Variants in PLAC1 observed in about 807,000 individuals in gnomAD.
The protein encoded by PLAC1 is placenta associated 1.
For missense variants in PLAC1, 136 were observed against 163.2 expected, an observed-to-expected ratio of 0.83 and a Z score of 0.91; for synonymous variants, 68 against 62.1, an observed-to-expected ratio of 1.09 and a Z score of -0.44.
In PLAC1 at chrX:134,565,921, C is replaced by T; in HGVS notation, c.*123G>A. On this transcript the variant is annotated 3_prime_UTR_variant, in exon 3 of 3. Transcript: ENST00000359237. ...GAAAAAGGCTTAATTCATGAAGTTG[C>T]TATAGGTTTCTCTTTCTCAAAAGTG... 4.0e-6 allele frequency: 2 copies of T among 498,830 alleles called. No homozygotes were observed. Among genetic ancestry groups the T allele is most frequent in the African/African-American group, 2.3e-5 (1 of 42,978 alleles). The allele number at this position is 498,830 out of a possible 1,213,427, so 41.1% of individuals were successfully genotyped here.
At chrX:134,585,203 G>A (rs868520907) in intron 2 of PLAC1, among the ~76,000 whole-genome samples, 31 of 89,478 alleles carry the variant, frequency 3.5e-4, no homozygotes, top group African/African-American at 1.1e-3. Context: ...AAAAAAAGCC[G>A]GGCATGGTGG....
chrX:134,697,278 T>C (rs2078567831), intron 2 of PLAC1, among the ~76,000 whole-genome samples: 1 of 110,539 alleles, frequency 9.0e-6, no homozygotes, highest in Non-Finnish European at 1.9e-5. Context: ...TTGGAAGTCA[T>C]AGGTAACTGA....
intron 1 of PLAC1, among the ~76,000 whole-genome samples, chrX:134,635,650 C>T (rs900117903): frequency 3.6e-5 from 4 of 111,518 alleles, no homozygotes; most frequent in African/African-American, 9.8e-5. Flanking sequence ...AAGTTTCTCT[C>T]CAAACTTCAC....
intron 1 of PLAC1, among the ~76,000 whole-genome samples, chrX:134,613,110 G>A (rs755213626): frequency 9.0e-6 from 1 of 110,773 alleles, no homozygotes; most frequent in Admixed American, 9.7e-5. Context: ...ACTTGAGCCT[G>A]GGAGTTCCAG....
chrX:134,596,104 A>G (rs1403869338), intron 2 of PLAC1, among the ~76,000 whole-genome samples: 4 of 111,564 alleles, frequency 3.6e-5, no homozygotes, highest in African/African-American at 1.3e-4. Flanking sequence ...TGAGTGAAGT[A>G]TAAAAACCTT....
intron 1 of PLAC1, among the ~76,000 whole-genome samples, chrX:134,748,731 G>A (rs1249146771): frequency 1.8e-5 from 2 of 111,544 alleles, no homozygotes; most frequent in African/African-American, 6.5e-5. Flanking sequence ...TGGGGGGAAC[G>A]TCTTGATATT....
At chrX:134,584,934 C>T (rs181426233) in intron 2 of PLAC1, among the ~76,000 whole-genome samples, 1 of 111,085 alleles carries the variant, frequency 9.0e-6, no homozygotes, top group African/African-American at 3.3e-5. Context: ...GCAACTGACA[C>T]ATAAACACAG....
intron 1 of PLAC1, among the ~76,000 whole-genome samples, chrX:134,652,740 T>C (rs1431551371): frequency 2.9e-5 from 3 of 105,058 alleles, no homozygotes; most frequent in African/African-American, 1.1e-4. Context: ...ATTAAATAAA[T>C]GATATATCCA....
chrX:134,708,275 C>T (rs1016664314), intron 2 of PLAC1, among the ~76,000 whole-genome samples: 2 of 111,624 alleles, frequency 1.8e-5, no homozygotes, highest in African/African-American at 3.3e-5. Flanking sequence ...TAACAGAATT[C>T]GTCACTAGCA....
At chrX:134,707,057 G>C (rs1217367842) in intron 2 of PLAC1, among the ~76,000 whole-genome samples, 1 of 111,889 alleles carries the variant, frequency 8.9e-6, no homozygotes, top group Non-Finnish European at 1.9e-5. Context: ...AAACCTACAG[G>C]TTCAAAAAGC....
intron 2 of PLAC1, among the ~76,000 whole-genome samples, chrX:134,698,814 C>A (rs1364722265): frequency 9.0e-6 from 1 of 111,402 alleles, no homozygotes; most frequent in African/African-American, 3.3e-5. Context: ...GCTTGGATAG[C>A]TGCTACAGAA....
At chrX:134,571,073 T>C (rs2077905677) in intron 2 of PLAC1, among the ~76,000 whole-genome samples, 1 of 111,899 alleles carries the variant, frequency 8.9e-6, no homozygotes. Context: ...TGAGATCTCG[T>C]AGTACTTGTG....
intron 2 of PLAC1, among the ~76,000 whole-genome samples, chrX:134,698,119 A>G (rs1280462153): frequency 1.8e-5 from 2 of 111,376 alleles, no homozygotes; most frequent in Admixed American, 9.6e-5. Context: ...TGATTTAACT[A>G]TCTCTCTATA....
At chrX:134,645,119 C>T (rs1023772653) in intron 1 of PLAC1, among the ~76,000 whole-genome samples, 1 of 111,793 alleles carries the variant, frequency 8.9e-6, no homozygotes, top group African/African-American at 3.3e-5. Context: ...TTAGCAATAC[C>T]AGTATTCTCA....
At chrX:134,630,565 G>C (rs2078256395) in intron 1 of PLAC1, among the ~76,000 whole-genome samples, 1 of 111,619 alleles carries the variant, frequency 9.0e-6, no homozygotes, top group South Asian at 3.8e-4. Flanking sequence ...CTTGCCTATG[G>C]GGTCTGTCAC....
chrX:134,615,485 C>T (rs1441681174), intron 1 of PLAC1, among the ~76,000 whole-genome samples: 2 of 111,479 alleles, frequency 1.8e-5, no homozygotes, highest in East Asian at 5.6e-4. Context: ...GGATATTAGC[C>T]CCTTATTAGA....
intron 1 of PLAC1, among the ~76,000 whole-genome samples, chrX:134,655,437 A>G (rs2078386253): frequency 9.0e-6 from 1 of 111,579 alleles, no homozygotes; most frequent in Non-Finnish European, 1.9e-5. Context: ...AAAGAATAAG[A>G]AGATTCTCCC....
intron 2 of PLAC1, among the ~76,000 whole-genome samples, chrX:134,581,476 C>CTTTTTTT (rs35457928): frequency 3.6e-4 from 21 of 58,916 alleles, no homozygotes; most frequent in Non-Finnish European, 4.9e-4. Flanking sequence ...TTCTCAGACT[C>CTTTTTTT]TTTTTTTTTT....
At chrX:134,720,993 C>A (rs995113579) in intron 2 of PLAC1, among the ~76,000 whole-genome samples, 1 of 112,523 alleles carries the variant, frequency 8.9e-6, no homozygotes, top group Non-Finnish European at 1.9e-5. Context: ...ATTAAACCAC[C>A]CAGAAAGTGA....
Sources: gnomAD v4.1 joint callset for allele counts (sites outside exome capture counted in the v4.1 genomes callset) on GRCh38, gnomAD v4.1.1 for gene constraint, MANE v1.5 for transcripts, NCBI Gene and HGNC (gene_info 2026-07-23, HGNC 2026-07-21) for gene names.